The following FAT3 variants were observed in gnomAD, a reference collection of about 807,000 sequenced individuals.
FAT3 encodes FAT atypical cadherin 3.
A neutral mutation model predicts 310.2 loss-of-function variants in FAT3; 95 were observed. That is an observed-to-expected ratio of 0.31 (90% CI 0.26 to 0.36). The LOEUF (loss-of-function observed/expected upper bound fraction) is 0.36. Among genes scored for constraint, FAT3 ranks in the 10% least tolerant of loss-of-function variants. The probability of loss-of-function intolerance (pLI) is 1.00; values close to 1 mark genes in which losing one functional copy is unlikely to be tolerated. For missense variants in FAT3, 5,408 were observed against 5,715.6 expected (o/e 0.95, Z 1.74); for synonymous variants, 2,314 against 2,192.9 (o/e 1.06, Z -1.54).
At chr11:92,721,451 G>T (rs1944856168) in intron 4 of FAT3, among the ~76,000 whole-genome samples, 1 of 152,094 alleles carries the variant, frequency 6.6e-6, no homozygotes, top group African/African-American at 2.4e-5. Context: ...TTTTTAAACA[G>T]CTCTGTCCTG....
chr11:92,369,601 G>A (rs1015307770), intron 2 of FAT3, among the ~76,000 whole-genome samples: 1 of 152,092 alleles, frequency 6.6e-6, no homozygotes, highest in African/African-American at 2.4e-5. Flanking sequence ...GTCAAGGCGG[G>A]CAGATCATGA....
At chr11:92,475,111 T>C (rs1288400793) in intron 2 of FAT3, among the ~76,000 whole-genome samples, 1 of 152,212 alleles carries the variant, frequency 6.6e-6, no homozygotes, top group Non-Finnish European at 1.5e-5. Flanking sequence ...TTTTTGCATA[T>C]GTGTGCCTCT....
chr11:92,830,981 C>G (rs562167598), intron 13 of FAT3, among the ~76,000 whole-genome samples: 11 of 152,296 alleles, frequency 7.2e-5, no homozygotes, highest in African/African-American at 2.6e-4. Flanking sequence ...GCCAAGATCA[C>G]GTGCTTATGT....
intron 10 of FAT3, among the ~76,000 whole-genome samples, chr11:92,803,381 G>A (rs1414958899): frequency 6.6e-6 from 1 of 152,180 alleles, no homozygotes; most frequent in Non-Finnish European, 1.5e-5. Flanking sequence ...TGGCTGTGCT[G>A]CCTCCAATTA....
At chr11:92,841,812 A>G (rs1449382311) in intron 18 of FAT3, among the ~76,000 whole-genome samples, 2 of 152,186 alleles carry the variant, frequency 1.3e-5, no homozygotes, top group Non-Finnish European at 2.9e-5. Flanking sequence ...TCACATTCCC[A>G]TTGCCACTGC....
chr11:92,557,693 G>A (rs1465641004), intron 3 of FAT3, among the ~76,000 whole-genome samples: 1 of 152,202 alleles, frequency 6.6e-6, no homozygotes, highest in Non-Finnish European at 1.5e-5. Flanking sequence ...ACTGTAGGAT[G>A]CCTTTAAATT....
chr11:92,229,491 T>TTTTTTTTTTTTTTTTTTTTTTTC (rs1864065177), intron 1 of FAT3, among the ~76,000 whole-genome samples: 1 of 67,472 alleles, frequency 1.5e-5, no homozygotes, highest in Non-Finnish European at 3.0e-5. Context: ...TGTTTTTTCG[T>TTTTTTTTTTTTTTTTTTTTTTTC]GTTTTTTTTT....
intron 3 of FAT3, among the ~76,000 whole-genome samples, chr11:92,620,168 A>T (rs572521): frequency 6.6e-6 from 1 of 151,882 alleles, no homozygotes; most frequent in African/African-American, 2.4e-5. Flanking sequence ...TTAAAAATGT[A>T]CTTTTGCTAT....
chr11:92,580,670 T>A (rs1191548141), intron 3 of FAT3, among the ~76,000 whole-genome samples: 2 of 152,090 alleles, frequency 1.3e-5, no homozygotes, highest in African/African-American at 2.4e-5. Context: ...TAAATATCTA[T>A]TAAGTTGGCA....
intron 4 of FAT3, among the ~76,000 whole-genome samples, chr11:92,750,444 C>T (rs745621778): frequency 2.6e-5 from 4 of 152,158 alleles, no homozygotes; most frequent in East Asian, 1.9e-4. Context: ...AATCTGGCAA[C>T]ATATTATTCC....
In FAT3 at chr11:92,837,715, T is replaced by A. The variant is rs767618842; in HGVS notation, c.10277T>A (p.Met3426Lys). 3.7e-6 allele frequency: 6 copies of A among 1,613,970 alleles called. No individual in the cohort carries two copies. In the South Asian group the frequency reaches 6.6e-5, roughly 18 times the overall value. Residue 3426 changes from methionine (M) to lysine (K), a missense_variant, in exon 17 of 28, where the codon ATG becomes AAG. By Grantham distance (95) the Met-to-Lys change is moderately conservative. Coordinates refer to ENST00000525166, the MANE Select transcript of FAT3 (RefSeq NM_001367949.2). ...GCCGTAGACAGTGGCATTCCTGCAATGTCATCAACTGCAACTGTCAACATT... is the reference window on the plus strand; with the variant it reads ...GCCGTAGACAGTGGCATTCCTGCAAAGTCATCAACTGCAACTGTCAACATT... ...VQAVDSGIPA[M>K]SSTATVNIDI... is the part of the protein sequence containing the mutation.
intron 2 of FAT3, among the ~76,000 whole-genome samples, chr11:92,472,097 G>T (rs901794646): frequency 4.6e-5 from 7 of 151,932 alleles, no homozygotes; most frequent in African/African-American, 1.7e-4. Flanking sequence ...ATAACAGTGA[G>T]AAATATAGTG....
intron 12 of FAT3, among the ~76,000 whole-genome samples, chr11:92,806,942 C>T (rs768812453): frequency 5.9e-5 from 9 of 151,838 alleles, no homozygotes; most frequent in East Asian, 3.9e-4. Flanking sequence ...GGGGAGGTGA[C>T]GGATTGAACT....
At chr11:92,326,273 G>A (rs916774230) in intron 1 of FAT3, among the ~76,000 whole-genome samples, 1 of 152,166 alleles carries the variant, frequency 6.6e-6, no homozygotes, top group African/African-American at 2.4e-5. Context: ...CTAAAGAAAC[G>A]TGATGTTATT....
rs1947507935 is a variant in FAT3, at chr11:92,806,408, T to C, written c.9140T>C (p.Ile3047Thr). 6.3e-7 allele frequency: 1 copy of C among 1,596,986 alleles called. No homozygotes were observed. ...LLPEDIPSNK[I>T]ILKVSAKDAD... ...CCTGAAGACATTCCATCAAATAAAA[T>C]CATCCTGAAAGTCAGTGCAAAGGAT... Residue 3047 changes from isoleucine (I) to threonine (T), a missense_variant, in exon 12 of 28, where the codon ATC becomes ACC. Transcript: ENST00000525166.
chr11:92,403,170 A>T (rs1950060066), intron 2 of FAT3: 1 of 152,230 alleles, frequency 6.6e-6, no homozygotes, highest in South Asian at 2.1e-4. Flanking sequence ...GAAGATGGAT[A>T]TGGGGGGACA....
intron 2 of FAT3, among the ~76,000 whole-genome samples, chr11:92,501,906 G>A (rs1405145195): frequency 6.6e-6 from 1 of 151,816 alleles, no homozygotes; most frequent in African/African-American, 2.4e-5. Flanking sequence ...GTACTAAAAG[G>A]AGAGGATGCC....
intron 4 of FAT3, among the ~76,000 whole-genome samples, chr11:92,751,839 C>T (rs1334555822): frequency 2.0e-5 from 3 of 152,108 alleles, no homozygotes; most frequent in Admixed American, 2.0e-4. Context: ...CAGACTTGGG[C>T]GCAAACCCGT....
At chr11:92,729,287 G>A (rs1312324695) in intron 4 of FAT3, among the ~76,000 whole-genome samples, 2 of 152,062 alleles carry the variant, frequency 1.3e-5, no homozygotes, top group East Asian at 3.9e-4. Flanking sequence ...TTATTGGTGT[G>A]GCTACATGCA....
Sources: allele counts gnomAD v4.1 joint callset (sites outside exome capture counted in the v4.1 genomes callset), GRCh38; gene constraint gnomAD v4.1.1; transcripts MANE v1.5; gene names NCBI Gene and HGNC (gene_info 2026-07-23, HGNC 2026-07-21).